LRRC8D: variants seen among roughly 807,000 people sequenced by gnomAD.
LRRC8D encodes leucine rich repeat containing 8 VRAC subunit D, also known as volume-regulated anion channel subunit LRRC8D.
Under a neutral mutation model 55.8 loss-of-function variants are expected in LRRC8D, and 20 were observed. That is an observed-to-expected ratio of 0.36 (90% CI 0.25 to 0.52). LRRC8D has a LOEUF of 0.52. LRRC8D is among the 20% of genes least tolerant of loss of function. The pLI is 0.93. For synonymous variants in LRRC8D, 352 were observed against 377.0 expected (o/e 0.93, Z 0.77); for missense variants, 651 against 1,030.8 (o/e 0.63, Z 5.05).
chr1:89,841,326 CTG>C (rs1661126145), intron 1 of LRRC8D, among the ~76,000 whole-genome samples: 1 of 151,836 alleles, frequency 6.6e-6, no homozygotes, highest in African/African-American at 2.4e-5. Flanking sequence ...CAATTCAAGT[CTG>C]TGAGGTGAGG....
intron 1 of LRRC8D, among the ~76,000 whole-genome samples, chr1:89,834,033 A>G (rs191808015): frequency 3.3e-5 from 5 of 152,328 alleles, no homozygotes; most frequent in African/African-American, 9.6e-5. Context: ...AGTTCAAAGC[A>G]AACAGCCAAG....
At chr1:89,903,964 T>C (rs1007594139) in intron 2 of LRRC8D, among the ~76,000 whole-genome samples, 15 of 152,226 alleles carry the variant, frequency 9.9e-5, no homozygotes, top group Non-Finnish European at 2.1e-4. Context: ...GGAAGGCTGC[T>C]AAAAGTCATT....
chr1:89,839,965 C>T (rs1365521082), intron 1 of LRRC8D, among the ~76,000 whole-genome samples: 1 of 152,124 alleles, frequency 6.6e-6, no homozygotes, highest in Admixed American at 6.5e-5. Context: ...ATGAGTTTAT[C>T]ATCTCCTCCT....
At chr1:89,908,101 GTGA>G (rs370191942) in intron 2 of LRRC8D, among the ~76,000 whole-genome samples, 10 of 151,960 alleles carry the variant, frequency 6.6e-5, no homozygotes, top group African/African-American at 1.7e-4. Flanking sequence ...ATTCATAATA[GTGA>G]TGATGATGAT....
Position 89,921,528 on chromosome 1 carries a change from G to GTTTGTTTTGT in LRRC8D, c.-2-11520_-2-11511dup, listed in dbSNP as rs544595128. 3.3e-3 allele frequency among the ~76,000 whole-genome samples: 494 copies of GTTTGTTTTGT among 149,580 alleles called. 11 individuals carry two copies. The East Asian group carries it at 0.084, about 25-fold the overall frequency. On this transcript the variant is annotated intron_variant, in intron 2 of 2. Transcript: ENST00000337338. Reference sequence around the variant, plus strand: ...AAACTTTTAAAGGTTTTTTTTGTTTGTTTGTTTTGTTTTGTTTTGTTTTGT... The same window carrying GTTTGTTTTGT: ...AAACTTTTAAAGGTTTTTTTTGTTTGTTTGTTTTGTTTTGTTTTGTTTTGTTTTGTTTTGT...
chr1:89,854,846 A>G (rs1661512339), intron 2 of LRRC8D, among the ~76,000 whole-genome samples: 1 of 152,188 alleles, frequency 6.6e-6, no homozygotes, highest in Admixed American at 6.5e-5. Flanking sequence ...TTGTGTCTGT[A>G]CCTGGCAATG....
chr1:89,894,435 G>C (rs2100889276), intron 2 of LRRC8D, among the ~76,000 whole-genome samples: 1 of 152,330 alleles, frequency 6.6e-6, no homozygotes, highest in Admixed American at 6.5e-5. Flanking sequence ...ATGTATAGTA[G>C]AAATGTGATT....
At chr1:89,883,513 G>A (rs1258234337) in intron 2 of LRRC8D, among the ~76,000 whole-genome samples, 1 of 152,118 alleles carries the variant, frequency 6.6e-6, no homozygotes, top group Non-Finnish European at 1.5e-5. Context: ...CATCTCATTG[G>A]GGGCCTGGTC....
In LRRC8D at chr1:89,935,039, C is replaced by G; in HGVS notation, c.1971C>G (p.Leu657=). ...GAATCCCACATGCTATTTTCAGCCT[C>G]TCTAATTTACAGGAACTGGATTTAA... The part of the protein sequence containing the change: ...LERIPHAIFS[L]SNLQELDLKS... The change falls in exon 3 of 3, where the codon CTC becomes CTG. Residue 657 remains leucine (L), a synonymous_variant. Coordinates refer to ENST00000337338, the MANE Select transcript of LRRC8D (RefSeq NM_001134479.2). The G allele has an allele frequency of 1.2e-6, 2 of 1,614,176 alleles. No individual in the cohort carries two copies. Among genetic ancestry groups the G allele is most frequent in the Non-Finnish European group, 1.7e-6 (2 of 1,180,032 alleles).
chr1:89,863,368 C>T (rs72965678), intron 2 of LRRC8D, among the ~76,000 whole-genome samples: 1,523 of 152,230 alleles, frequency 0.01, 18 homozygotes, highest in African/African-American at 0.035. Context: ...ATGTAGATCA[C>T]GCAGTACACA....
At chr1:89,929,016 A>T (rs1329284399) in intron 2 of LRRC8D, among the ~76,000 whole-genome samples, 1 of 152,248 alleles carries the variant, frequency 6.6e-6, no homozygotes, top group Non-Finnish European at 1.5e-5. Context: ...GATGCTGAAG[A>T]TGATGATCAA....
chr1:89,889,435 T>C (rs1250786999), intron 2 of LRRC8D, among the ~76,000 whole-genome samples: 1 of 152,062 alleles, frequency 6.6e-6, no homozygotes, highest in Non-Finnish European at 1.5e-5. Flanking sequence ...CTGCAAAAAG[T>C]GTGGGCTTTA....
intron 2 of LRRC8D, among the ~76,000 whole-genome samples, chr1:89,903,495 C>T (rs1662914499): frequency 6.6e-6 from 1 of 152,122 alleles, no homozygotes. Flanking sequence ...TATCACATTG[C>T]CACATGTAAT....
At chr1:89,847,046 C>T (rs1192518664) in intron 2 of LRRC8D, among the ~76,000 whole-genome samples, 1 of 152,112 alleles carries the variant, frequency 6.6e-6, no homozygotes, top group East Asian at 1.9e-4. Flanking sequence ...TACAGAACAA[C>T]GTGAGCAAAC....
intron 1 of LRRC8D, among the ~76,000 whole-genome samples, chr1:89,828,297 T>C (rs1228993446): frequency 6.6e-6 from 1 of 152,238 alleles, no homozygotes; most frequent in African/African-American, 2.4e-5. Flanking sequence ...GGATGGATGA[T>C]GGGACCAACT....
Position 89,853,435 on chromosome 1 carries a change from G to A in LRRC8D, c.-3+9653G>A, listed in dbSNP as rs138124950. Among the ~76,000 whole-genome samples the A allele has an allele frequency of 9.6e-4, 146 of 152,318 alleles. 1 individual carries two copies. Among genetic ancestry groups the A allele is most frequent in the Middle Eastern group, 3.4e-3 (1 of 294 alleles). ...ATTGATCGTGGTAGCCATGAATGTC[G>A]TTGAAACTCCACAGGGATGGCCAAA... is the stretch of plus-strand genomic sequence containing the variant. On this transcript the variant is annotated intron_variant, in intron 2 of 2. Transcript: ENST00000337338.
intron 1 of LRRC8D, among the ~76,000 whole-genome samples, chr1:89,836,373 C>G (rs1019825332): frequency 6.6e-6 from 1 of 152,218 alleles, no homozygotes; most frequent in Non-Finnish European, 1.5e-5. Context: ...GCTTGCTTCT[C>G]TCTGCCTTCT....
chr1:89,874,360 C>T (rs1015691539), intron 2 of LRRC8D, among the ~76,000 whole-genome samples: 8 of 151,886 alleles, frequency 5.3e-5, no homozygotes, highest in African/African-American at 1.9e-4. Context: ...GTTTTCTCAT[C>T]TATAATGAGA....
intron 2 of LRRC8D, among the ~76,000 whole-genome samples, chr1:89,847,787 G>A (rs929484491): frequency 1.3e-5 from 2 of 152,076 alleles, no homozygotes; most frequent in Admixed American, 6.6e-5. Context: ...GTTTTACTTC[G>A]TATCTCTTAT....
Sources: gnomAD v4.1 joint callset for allele counts (sites outside exome capture counted in the v4.1 genomes callset) on GRCh38, gnomAD v4.1.1 for gene constraint, MANE v1.5 for transcripts, NCBI Gene and HGNC (gene_info 2026-07-23, HGNC 2026-07-21) for gene names.